Variants in ALMS1 observed in about 807,000 individuals in gnomAD.
ALMS1 encodes centrosome-associated protein ALMS1.
A neutral mutation model predicts 352.2 loss-of-function variants in ALMS1; 271 were observed. The observed-to-expected ratio is 0.77, with a 90% CI of 0.70 to 0.85. The LOEUF (loss-of-function observed/expected upper bound fraction) is 0.85, where lower values mean the gene tolerates loss of function less well. Ranked by LOEUF, ALMS1 falls within the 40% of genes least tolerant of loss-of-function variation. ALMS1 has a pLI of 0.00. For synonymous variants in ALMS1, 1,865 were observed against 1,761.2 expected (o/e 1.06, Z -1.48); for missense variants, 5,445 against 4,870.7 (o/e 1.12, Z -3.51).
At chr2:73,578,981 T>G (rs747899148) in intron 16 of ALMS1, among the ~76,000 whole-genome samples, 13 of 152,108 alleles carry the variant, frequency 8.5e-5, no homozygotes, top group South Asian at 2.1e-4. Context: ...GAGTACTCTC[T>G]TTATCATTCC....
In ALMS1 at chr2:73,449,346, T is replaced by A. The variant is rs539612316; in HGVS notation, c.2819T>A (p.Leu940Ter). 2.5e-5 allele frequency: 40 copies of A among 1,613,610 alleles called. No individual in the cohort carries two copies. Among genetic ancestry groups the A allele is most frequent in the South Asian group, 1.2e-4 (11 of 91,068 alleles). Reference protein sequence around the residue: ...EALKVSAVSVLAAQKTGTPTV... With the variant: ...EALKVSAVSV ...CTGAAGGTTTCAGCTGTTTCTGTAT[T>A]GGCTGCCCAGAAGACTGGGACACCA... Residue 940 changes from leucine to a stop codon, truncating the protein, a stop_gained, in exon 8 of 23, where the codon TTG becomes TAG. Transcript: ENST00000613296. LOFTEE classifies it high-confidence loss of function.
intron 16 of ALMS1, among the ~76,000 whole-genome samples, chr2:73,593,734 T>C (rs982668356): frequency 6.6e-5 from 10 of 152,192 alleles, no homozygotes; most frequent in African/African-American, 2.4e-4. Context: ...TAACAATCAA[T>C]CTTCATTTCC....
intron 16 of ALMS1, among the ~76,000 whole-genome samples, chr2:73,574,521 A>T (rs1675011987): frequency 6.6e-6 from 1 of 152,196 alleles, no homozygotes; most frequent in Non-Finnish European, 1.5e-5. Context: ...TTGTCAGATT[A>T]CATGATCAAA....
chr2:73,395,022 A>AT (rs1670726509), intron 1 of ALMS1, among the ~76,000 whole-genome samples: 1 of 141,082 alleles, frequency 7.1e-6, no homozygotes, highest in Non-Finnish European at 1.5e-5. Flanking sequence ...ATGTGTATAT[A>AT]TATGTGTATA....
intron 12 of ALMS1, among the ~76,000 whole-genome samples, chr2:73,543,626 G>A (rs984191716): frequency 6.6e-6 from 1 of 152,122 alleles, no homozygotes; most frequent in African/African-American, 2.4e-5. Context: ...ATCTGATAAA[G>A]GGCTAATATC....
At chr2:73,563,550 G>A (rs1444375711) in intron 15 of ALMS1, among the ~76,000 whole-genome samples, 1 of 151,540 alleles carries the variant, frequency 6.6e-6, no homozygotes, top group African/African-American at 2.4e-5. Flanking sequence ...GTGGAACCCC[G>A]TCTCTACTAA....
At chr2:73,583,154 G>A (rs1226448743) in intron 16 of ALMS1, among the ~76,000 whole-genome samples, 1 of 148,724 alleles carries the variant, frequency 6.7e-6, no homozygotes, top group Non-Finnish European at 1.5e-5. Context: ...TTGGCCATTT[G>A]TATGTCATCT....
At chr2:73,394,003 T>C (rs1295600692) in intron 1 of ALMS1, among the ~76,000 whole-genome samples, 1 of 152,070 alleles carries the variant, frequency 6.6e-6, no homozygotes, top group East Asian at 1.9e-4. Flanking sequence ...GTAGGTTTTG[T>C]AGGGATGGAA....
chr2:73,608,598 T>C, intron 22 of ALMS1, 24 bp downstream of exon 22: 1 of 1,566,668 alleles, frequency 6.4e-7, no homozygotes. Flanking sequence ...CTGTCTAGAG[T>C]GGGATGGATC....
intron 16 of ALMS1, among the ~76,000 whole-genome samples, chr2:73,581,645 T>C (rs945287371): frequency 1.3e-5 from 2 of 152,372 alleles, no homozygotes; most frequent in Admixed American, 1.3e-4. Flanking sequence ...GAGAAGGCAC[T>C]TTCTCCCTTG....
At chr2:73,407,627 A>G (rs1670997425) in intron 1 of ALMS1, among the ~76,000 whole-genome samples, 1 of 152,160 alleles carries the variant, frequency 6.6e-6, no homozygotes, top group African/African-American at 2.4e-5. Context: ...TGCCATTAGC[A>G]TTTCTTCCAG....
At chr2:73,512,271 G>C (rs1218597144) in intron 10 of ALMS1, among the ~76,000 whole-genome samples, 1 of 152,088 alleles carries the variant, frequency 6.6e-6, no homozygotes, top group Non-Finnish European at 1.5e-5. Context: ...TTTTAGTAGA[G>C]ATGGGGTTTC....
chr2:73,434,574 T>C (rs149768986), intron 7 of ALMS1, among the ~76,000 whole-genome samples: 2 of 152,338 alleles, frequency 1.3e-5, no homozygotes, highest in Non-Finnish European at 2.9e-5. Context: ...TTAGGTGGTG[T>C]GTTCTATAGA....
At chr2:73,434,476 T>C (rs1053583450) in intron 7 of ALMS1, among the ~76,000 whole-genome samples, 2 of 152,232 alleles carry the variant, frequency 1.3e-5, no homozygotes, top group Non-Finnish European at 2.9e-5. Flanking sequence ...TCTTTAAGTT[T>C]TATTGAGGCT....
At chr2:73,558,412 G>T (rs1674587881) in intron 14 of ALMS1, among the ~76,000 whole-genome samples, 1 of 152,240 alleles carries the variant, frequency 6.6e-6, no homozygotes. Flanking sequence ...AAACAGTTTT[G>T]ATCATGTTAA....
At chr2:73,569,810 A>C (rs1359965027) in intron 15 of ALMS1, among the ~76,000 whole-genome samples, 1 of 152,240 alleles carries the variant, frequency 6.6e-6, no homozygotes, top group Non-Finnish European at 1.5e-5. Context: ...TATAGTTATC[A>C]GGAAGAGTGG....
At chr2:73,600,229 A>AT (rs1350139825) in intron 17 of ALMS1, among the ~76,000 whole-genome samples, 2 of 152,214 alleles carry the variant, frequency 1.3e-5, no homozygotes, top group African/African-American at 4.8e-5. Context: ...GGGAAGGAGG[A>AT]TTTTTAGCTA....
At chr2:73,418,134 T>C (rs900581733) in intron 2 of ALMS1, among the ~76,000 whole-genome samples, 2 of 152,242 alleles carry the variant, frequency 1.3e-5, no homozygotes, top group Admixed American at 6.5e-5. Flanking sequence ...TTTTAAAAAT[T>C]AGCTTATTTC....
chr2:73,476,890 C>T (rs571412431), intron 9 of ALMS1, among the ~76,000 whole-genome samples: 11 of 152,114 alleles, frequency 7.2e-5, no homozygotes, highest in Middle Eastern at 3.4e-3. Flanking sequence ...AGTGAAGTGA[C>T]GTATAGCATA....
Sources: gnomAD v4.1 joint callset for allele counts (sites outside exome capture counted in the v4.1 genomes callset) on GRCh38, gnomAD v4.1.1 for gene constraint, MANE v1.5 for transcripts, NCBI Gene and HGNC (gene_info 2026-07-23, HGNC 2026-07-21) for gene names.